The following SIN3B variants were observed in gnomAD, a reference collection of about 807,000 sequenced individuals.
The protein encoded by SIN3B is paired amphipathic helix protein Sin3b.
A neutral mutation model predicts 120.2 loss-of-function variants in SIN3B; 19 were observed. The ratio of observed to expected loss-of-function variants is 0.16; its 90% CI spans 0.11 to 0.23. SIN3B has a LOEUF of 0.23. Ranked by LOEUF, SIN3B falls within the 10% of genes least tolerant of loss-of-function variation. The pLI, the probability that SIN3B is intolerant of heterozygous loss-of-function variation, is 1.00. For missense variants in SIN3B, 1,073 were observed against 1,573.0 expected, an observed-to-expected ratio of 0.68 and a Z score of 5.38; for synonymous variants, 654 against 653.2, an observed-to-expected ratio of 1.00 and a Z score of -0.02.
chr19:16,873,235 G>A (rs983536822), intron 14 of SIN3B, among the ~76,000 whole-genome samples: 3 of 152,138 alleles, frequency 2.0e-5, no homozygotes, highest in African/African-American at 4.8e-5. Context: ...CGGTGTTTGC[G>A]CCTGTTTCCG....
chr19:16,863,161 C>G (rs1971713128), intron 9 of SIN3B: 1 of 572,272 alleles, frequency 1.7e-6, no homozygotes, highest in African/African-American at 1.9e-5. Context: ...CTGTCTGACC[C>G]TTTGCAGAGA....
intron 3 of SIN3B, 143 bp downstream of exon 3, chr19:16,831,790 G>A: frequency 1.5e-6 from 1 of 678,642 alleles, no homozygotes; most frequent in Non-Finnish European, 2.5e-6. Flanking sequence ...ATTGCTTCTA[G>A]CACAAATCAA....
At chr19:16,848,426 G>GTTT (rs11293258) in intron 5 of SIN3B, among the ~76,000 whole-genome samples, 1 of 116,958 alleles carries the variant, frequency 8.6e-6, no homozygotes, top group East Asian at 2.5e-4. Flanking sequence ...TCTTTTCCAG[G>GTTT]TTTTTTTTTT....
At chr19:16,848,559 G>A (rs188612548) in intron 5 of SIN3B, among the ~76,000 whole-genome samples, 10 of 151,890 alleles carry the variant, frequency 6.6e-5, no homozygotes, top group South Asian at 2.1e-4. Context: ...GTGCAGTGGC[G>A]TAATTGATCA....
intron 3 of SIN3B, among the ~76,000 whole-genome samples, chr19:16,840,597 T>C (rs1971405143): frequency 6.6e-6 from 1 of 152,186 alleles, no homozygotes; most frequent in African/African-American, 2.4e-5. Flanking sequence ...ACGGTAGTGG[T>C]GTGCCTGGCC....
At chr19:16,859,886 C>T (rs1164105384) in intron 8 of SIN3B, among the ~76,000 whole-genome samples, 2 of 152,106 alleles carry the variant, frequency 1.3e-5, no homozygotes, top group Admixed American at 1.3e-4. Context: ...GTGACCACCC[C>T]GGGTTGGAAT....
At chr19:16,834,218 C>T (rs1381857853) in intron 3 of SIN3B, among the ~76,000 whole-genome samples, 2 of 152,198 alleles carry the variant, frequency 1.3e-5, no homozygotes, top group East Asian at 1.9e-4. Context: ...GCAATAGCAG[C>T]GTCCACCAGA....
intron 11 of SIN3B, 126 bp from the exon 12 acceptor site, chr19:16,866,247 T>C: frequency 1.2e-6 from 1 of 862,624 alleles, no homozygotes; most frequent in South Asian, 1.7e-5. Context: ...CAGACTAGGC[T>C]GGGAGCTGGC....
intron 3 of SIN3B, among the ~76,000 whole-genome samples, chr19:16,836,874 C>T (rs1971355228): frequency 6.6e-6 from 1 of 152,210 alleles, no homozygotes; most frequent in Non-Finnish European, 1.5e-5. Context: ...TAGTTGTCAA[C>T]AAGTCGATTC....
chr19:16,858,065 C>T (rs183978531), intron 8 of SIN3B, among the ~76,000 whole-genome samples: 2 of 152,122 alleles, frequency 1.3e-5, no homozygotes, highest in South Asian at 2.1e-4. Context: ...TGAGTAGAGA[C>T]AGAGTTTCGC....
At chr19:16,844,958 G>A (rs1971461595) in intron 4 of SIN3B, among the ~76,000 whole-genome samples, 1 of 152,134 alleles carries the variant, frequency 6.6e-6, no homozygotes, top group Admixed American at 6.5e-5. Flanking sequence ...AGGGGGTGCT[G>A]GCGTGGTTTT....
chr19:16,871,454 C>A, intron 14 of SIN3B, 56 bp downstream of exon 14: 3 of 1,511,024 alleles, frequency 2.0e-6, no homozygotes, highest in South Asian at 2.6e-5. Context: ...GCTCTACCAT[C>A]ATTTCACTCC....
intron 10 of SIN3B, 68 bp from the exon 11 acceptor site, chr19:16,865,342 C>A: frequency 1.3e-6 from 1 of 743,818 alleles, no homozygotes; most frequent in Non-Finnish European, 2.1e-6. Context: ...TCTCTGAGGT[C>A]CCAGGCTCCT....
At chr19:16,873,327 A>G (rs1367514035) in intron 14 of SIN3B, among the ~76,000 whole-genome samples, 1 of 151,804 alleles carries the variant, frequency 6.6e-6, no homozygotes, top group Non-Finnish European at 1.5e-5. Context: ...GCGTTCTGAC[A>G]CCTTCGCTTC....
At chr19:16,853,596 G>A (rs1213748730) in intron 7 of SIN3B, among the ~76,000 whole-genome samples, 1 of 149,542 alleles carries the variant, frequency 6.7e-6, no homozygotes, top group Non-Finnish European at 1.5e-5. Flanking sequence ...ATTGCTGCAT[G>A]GACACATGCA....
Position 16,862,677 on chromosome 19 carries a change from T to G in SIN3B, c.1266+118T>G. 8.5e-7 allele frequency: 1 copy of G among 1,170,814 alleles called. No homozygotes were observed. Among genetic ancestry groups the G allele is most frequent in the Non-Finnish European group, 1.3e-6 (1 of 799,796 alleles). The allele number at this position is 1,170,814 out of a possible 1,614,324, so 72.5% of individuals were successfully genotyped here. ...CTGTGTGCTCAGCCCTCCTGAATGT[T>G]GGGTTATGGGTGGTGCTGGGATGTG... On this transcript the variant is annotated intron_variant, in intron 9 of 18. Coordinates refer to ENST00000248054, the MANE Select transcript of SIN3B (RefSeq NM_001297595.2). This position sits in a 1 kb window ranked among gnomAD's most constrained non-coding sequence, Gnocchi z 4.7.
In SIN3B at chr19:16,860,226, C is replaced by T. The variant is rs143216930; in HGVS notation, c.1059-2126C>T. On this transcript the variant is annotated intron_variant, in intron 8 of 18. Transcript: ENST00000248054. ...CGTTCACCACCATGTGGCGTTCCTCCGCGTGTTCAACCTGCGGTCAAGTGC... is the reference window on the plus strand; with the variant it reads ...CGTTCACCACCATGTGGCGTTCCTCTGCGTGTTCAACCTGCGGTCAAGTGC... 3.5e-3 allele frequency among the ~76,000 whole-genome samples: 538 copies of T among 152,300 alleles called. 3 individuals carry two copies. Among genetic ancestry groups the T allele is most frequent in the African/African-American group, 0.012 (484 of 41,566 alleles).
At position 16,878,645 on chromosome 19, in the gene SIN3B, C is replaced by T. The variant is rs150206415; in HGVS notation, c.3311C>T (p.Thr1104Met). The stretch of plus-strand genomic sequence containing the variant: ...GACGAGGACATGGTACCCTGCAAGA[C>T]GCTGTGTGAGACAGTGCACGTGCAC... ...EEDEDMVPCKTLCETVHVHGL... is the reference protein window; with the variant it reads ...EEDEDMVPCKMLCETVHVHGL... Residue 1104 changes from threonine to methionine, a missense_variant, in exon 19 of 19, where the codon ACG becomes ATG. Transcript: ENST00000248054. 4.0e-5 allele frequency: 64 copies of T among 1,613,462 alleles called. No individual in the cohort carries two copies. The highest frequency in any genetic ancestry group is 5.1e-5 in the Non-Finnish European group (60 of 1,179,834).
intron 12 of SIN3B, among the ~76,000 whole-genome samples, chr19:16,867,690 C>T (rs1337372919): frequency 6.6e-6 from 1 of 152,200 alleles, no homozygotes; most frequent in Admixed American, 6.5e-5. Context: ...GCGGTCGCTC[C>T]TTCTTTTACA....
Sources: allele counts gnomAD v4.1 joint callset (sites outside exome capture counted in the v4.1 genomes callset), GRCh38; gene constraint gnomAD v4.1.1; non-coding constraint Gnocchi (gnomAD v3.1); transcripts MANE v1.5; gene names NCBI Gene and HGNC (gene_info 2026-07-23, HGNC 2026-07-21).